Variants in DNAH12 observed in about 807,000 individuals in gnomAD.
The protein encoded by DNAH12 is dynein axonemal heavy chain 12.
A neutral mutation model predicts 371.5 loss-of-function variants in DNAH12; 285 were observed. That is an observed-to-expected ratio of 0.77 (90% confidence interval 0.70 to 0.85). The LOEUF (loss-of-function observed/expected upper bound fraction) is 0.85, where lower values mean the gene tolerates loss of function less well. Among genes scored for constraint, DNAH12 ranks in the 40% least tolerant of loss-of-function variants. The probability of loss-of-function intolerance (pLI) is 0.00; values close to 1 mark genes in which losing one functional copy is unlikely to be tolerated. For synonymous variants in DNAH12, 1,200 were observed against 1,213.0 expected (o/e 0.99, Z 0.22); for missense variants, 3,611 against 3,689.4 (o/e 0.98, Z 0.55).
Position 57,341,986 on chromosome 3 carries a change from G to C in DNAH12, c.9675-7046C>G, listed in dbSNP as rs2062412874. On this transcript the variant is annotated intron_variant, in intron 60 of 73. Transcript: ENST00000495027. Reference sequence around the variant, plus strand: ...ATGTATCTACAGCCAACTGACTTTTGACAAAGATGCCAAGAACATTGATTG... The same window carrying C: ...ATGTATCTACAGCCAACTGACTTTTCACAAAGATGCCAAGAACATTGATTG... Among the ~76,000 whole-genome samples, 5 of 152,232 alleles carry C rather than the reference G, an allele frequency of 3.3e-5. No homozygotes were observed. The South Asian group carries it at 1.0e-3, about 32-fold the overall frequency.
At chr3:57,549,419 A>T in the DNAH12 span, among the ~76,000 whole-genome samples, 28 of 150,244 alleles carry the variant, frequency 1.9e-4, no homozygotes, top group African/African-American at 5.9e-4. Context: ...TGGGAGGCTG[A>T]CGTGGGAGAA....
chr3:57,367,441 T>G (rs1393698076), intron 56 of DNAH12, among the ~76,000 whole-genome samples: 2 of 152,240 alleles, frequency 1.3e-5, no homozygotes, highest in Non-Finnish European at 2.9e-5. Context: ...TTTCTCTGGT[T>G]GTCATAGAGC....
rs970677988 is a variant in DNAH12, at chr3:57,437,118, T to C, written c.4546-58A>G. 10 of 1,069,114 alleles carry C rather than the reference T, an allele frequency of 9.4e-6. No individual in the cohort carries two copies. The East Asian group carries it at 3.0e-4, about 32-fold the overall frequency. The allele number at this position is 1,069,114 out of a possible 1,614,324, so 66.2% of individuals were successfully genotyped here. A position where few individuals can be genotyped will look rare whatever the true frequency, so the allele number is the denominator to read the frequency against. On this transcript the variant is annotated intron_variant, in intron 29 of 73. Transcript: ENST00000495027. Reference sequence around the variant, plus strand: ...CACAATATTATAAATGTCATACCTGTCTTATAAGTGTAGATTTTAAATTTA... The same window carrying C: ...CACAATATTATAAATGTCATACCTGCCTTATAAGTGTAGATTTTAAATTTA...
intron 11 of DNAH12, 121 bp from the exon 12 acceptor site, chr3:57,489,808 G>T: frequency 9.3e-7 from 1 of 1,071,604 alleles, no homozygotes. Context: ...TTTGCTAAGT[G>T]ACTAAAATTT....
intron 47 of DNAH12, among the ~76,000 whole-genome samples, chr3:57,385,743 G>A (rs981846232): frequency 2.0e-5 from 3 of 152,234 alleles, no homozygotes; most frequent in East Asian, 1.9e-4. Context: ...TTTGCCAGGC[G>A]TGGCAGCATG....
rs921115150 is a variant in DNAH12, at chr3:57,362,790, T to G, written c.9360+804A>C. ...TTAGCCCTTTGCCAGATGGGTAGAT[T>G]GTAAAAATTTTCTCCCATTCTGTAG... On this transcript the variant is annotated intron_variant, in intron 58 of 73. Coordinates refer to ENST00000495027, the MANE Select transcript of DNAH12 (RefSeq NM_001366028.2). 2.6e-4 allele frequency among the ~76,000 whole-genome samples: 39 copies of G among 152,340 alleles called. No individual in the cohort carries two copies. The East Asian group carries it at 3.7e-3, about 14-fold the overall frequency.
At chr3:57,448,616 G>A (rs183170207) in intron 25 of DNAH12, among the ~76,000 whole-genome samples, 176 of 152,342 alleles carry the variant, frequency 1.2e-3, no homozygotes, top group African/African-American at 4.1e-3. Context: ...ACCCGACCAT[G>A]TTGCCAATGC....
intron 43 of DNAH12, chr3:57,402,393 C>CCACTAT: frequency 7.7e-7 from 1 of 1,304,938 alleles, no homozygotes; most frequent in Non-Finnish European, 1.0e-6. Flanking sequence ...AGTATGCACT[C>CCACTAT]CACTATCCTG....
At chr3:57,349,599 G>A (rs928993030) in intron 60 of DNAH12, among the ~76,000 whole-genome samples, 1 of 152,168 alleles carries the variant, frequency 6.6e-6, no homozygotes, top group African/African-American at 2.4e-5. Context: ...TAAAGAAAAT[G>A]TGACATATAT....
rs920643169 is a variant in DNAH12 at position 57,472,652 on chromosome 3, C to T, written c.1670G>A (p.Ser557Asn). Residue 557 changes from serine to asparagine, a missense_variant, in exon 14 of 74, where the codon AGT (serine) becomes AAT (asparagine). Around this residue, in one of 3 missense-constraint regions of DNAH12, gnomAD observed 1,314 missense variants for 1,398.7 expected, o/e 0.94. Transcript: ENST00000495027. ...AAATAGGAAAACATCTAAAAAGTAA[C>T]TCATTTGGCGTTTAGATTCCTACAA... ...LRIQESKRQM[S>N]YFLDVFLFPQ... The T allele has an allele frequency of 9.0e-6, 14 of 1,550,620 alleles. No homozygotes were observed. In the African/African-American group the frequency reaches 1.1e-4, roughly 12 times the overall value.
rs2063759641 is a variant in DNAH12 at position 57,397,191 on chromosome 3, C to G, written c.6949-2859G>C. On this transcript the variant is annotated intron_variant, in intron 43 of 73. Coordinates refer to ENST00000495027, the MANE Select transcript of DNAH12 (RefSeq NM_001366028.2). ...GATAATGGGCTAGGAAGCTCTAGAC[C>G]CTTGTTCTCCCCTGAAGACATGTAT... Among the ~76,000 whole-genome samples the G allele has an allele frequency of 2.7e-5, 4 of 147,586 alleles. No individual in the cohort carries two copies. In the South Asian group the frequency reaches 8.3e-4, roughly 31 times the overall value.
intron 35 of DNAH12, among the ~76,000 whole-genome samples, chr3:57,423,374 G>A (rs896644053): frequency 3.3e-5 from 5 of 152,110 alleles, no homozygotes; most frequent in Middle Eastern, 3.2e-3. Flanking sequence ...TGTAAAAGGC[G>A]GTTCCAAACC....
Position 57,504,218 on chromosome 3 carries a change from A to C in DNAH12, c.898-14T>G. On this transcript the variant is annotated splice_polypyrimidine_tract_variant and intron_variant, in intron 8 of 73. Coordinates refer to ENST00000495027, the MANE Select transcript of DNAH12 (RefSeq NM_001366028.2). ...TAGATCCTTTAGCTGCGTGATATAAATCACTGTTACTTTAGAGAGTACAAA... is the reference window on the plus strand; with the variant it reads ...TAGATCCTTTAGCTGCGTGATATAACTCACTGTTACTTTAGAGAGTACAAA... 1.3e-6 allele frequency: 2 copies of C among 1,598,068 alleles called. No homozygotes were observed. The highest frequency in any genetic ancestry group is 1.7e-6 in the Non-Finnish European group (2 of 1,170,316).
Position 57,446,561 on chromosome 3 carries a change from C to T in DNAH12, c.3915G>A (p.Gly1305=). 3 of 1,534,026 alleles carry T rather than the reference C, an allele frequency of 2.0e-6. No homozygotes were observed. The highest frequency in any genetic ancestry group is 1.2e-5 in the South Asian group (1 of 80,124). Residue 1305 remains glycine (G), a synonymous_variant, in exon 26 of 74, where the codon GGG becomes GGA. Transcript: ENST00000495027. Reference sequence around the variant, plus strand: ...CCTTTCCCATTGCTAGATAATCTAGCCCATCAGAACAGTTGAACACCACAC... The same window carrying T: ...CCTTTCCCATTGCTAGATAATCTAGTCCATCAGAACAGTTGAACACCACAC... ...VQCVVFNCSD[G]LDYLAMGKFF...
At position 57,378,905 on chromosome 3, in the gene DNAH12, T is replaced by C. The variant is rs1479716840; in HGVS notation, c.8223+253A>G. ...TTCTCCTGGGTCCTAAAGCTATAAG[T>C]AAATCTGACTAATTCTACTCATGAT... On this transcript the variant is annotated intron_variant, in intron 52 of 73. Coordinates refer to ENST00000495027, the MANE Select transcript of DNAH12 (RefSeq NM_001366028.2). Among the ~76,000 whole-genome samples the C allele has an allele frequency of 4.6e-5, 7 of 152,288 alleles. No individual in the cohort carries two copies. The South Asian group carries it at 1.2e-3, about 27-fold the overall frequency.
Position 57,504,248 on chromosome 3 carries a change from A to G in DNAH12, c.898-44T>C, listed in dbSNP as rs778545143. 3 of 1,524,754 alleles carry G rather than the reference A, an allele frequency of 2.0e-6. No individual in the cohort carries two copies. In the East Asian group the frequency reaches 6.8e-5, roughly 35 times the overall value. The allele number at this position is 1,524,754 out of a possible 1,614,324, so 94.5% of individuals were successfully genotyped here. ...TGTTACTTTAGAGAGTACAAATTCAACCTTTAACTAAAATCAGTAAACTGA... is the reference window on the plus strand; with the variant it reads ...TGTTACTTTAGAGAGTACAAATTCAGCCTTTAACTAAAATCAGTAAACTGA... On this transcript the variant is annotated intron_variant, in intron 8 of 73. Coordinates refer to ENST00000495027, the MANE Select transcript of DNAH12 (RefSeq NM_001366028.2).
At chr3:57,427,933 G>GTT (rs78378789) in intron 34 of DNAH12, among the ~76,000 whole-genome samples, 2 of 148,418 alleles carry the variant, frequency 1.3e-5, no homozygotes, top group African/African-American at 4.9e-5. Flanking sequence ...TGGTTTTGGG[G>GTT]TTTTTTTTTT....
At chr3:57,487,679 T>C (rs751554210) in intron 12 of DNAH12, among the ~76,000 whole-genome samples, 1 of 152,108 alleles carries the variant, frequency 6.6e-6, no homozygotes, top group African/African-American at 2.4e-5. Context: ...TTATCTAAAG[T>C]ACAGAATTGA....
intron 60 of DNAH12, among the ~76,000 whole-genome samples, chr3:57,335,423 T>C (rs1488341474): frequency 6.6e-6 from 1 of 152,244 alleles, no homozygotes; most frequent in East Asian, 1.9e-4. Flanking sequence ...TACTGATAAA[T>C]ACAGCCAGGC....
Sources: allele counts gnomAD v4.1 joint callset (sites outside exome capture counted in the v4.1 genomes callset), GRCh38; gene constraint gnomAD v4.1.1; regional missense constraint gnomAD v4.1.1; transcripts MANE v1.5; gene names NCBI Gene and HGNC (gene_info 2026-07-23, HGNC 2026-07-21).